The following ETNK1 variants were observed in gnomAD, a reference collection of about 807,000 sequenced individuals.
ETNK1 encodes ethanolamine kinase 1, also known as putative protein product of Nbla10396.
ETNK1 carries 8 observed loss-of-function variants against 45.1 expected under a neutral mutation model. The ratio of observed to expected loss-of-function variants is 0.18; its 90% CI spans 0.10 to 0.32. The LOEUF (loss-of-function observed/expected upper bound fraction) is 0.32. ETNK1 is among the 10% of genes least tolerant of loss of function. The pLI is 1.00. For missense variants in ETNK1, 302 were observed against 430.6 expected (o/e 0.70, Z 2.64); for synonymous variants, 152 against 151.9 (o/e 1.00, Z -0.01).
At chr12:22,642,580 A>G (rs1049846119) in intron 1 of ETNK1, among the ~76,000 whole-genome samples, 1 of 152,052 alleles carries the variant, frequency 6.6e-6, no homozygotes, top group Non-Finnish European at 1.5e-5. Flanking sequence ...GTTGTATATT[A>G]TTAATAGTTT....
intron 1 of ETNK1, among the ~76,000 whole-genome samples, chr12:22,629,597 TGTTAA>T (rs1352191278): frequency 1.3e-5 from 2 of 152,172 alleles, no homozygotes; most frequent in African/African-American, 4.8e-5. Flanking sequence ...ACAATTGCTG[TGTTAA>T]GTTATGTCTC....
chr12:22,643,290 T>G (rs941058431), intron 1 of ETNK1, among the ~76,000 whole-genome samples: 3 of 152,074 alleles, frequency 2.0e-5, no homozygotes, highest in African/African-American at 7.2e-5. Context: ...TGTTAAGGAC[T>G]TCTATAAGTA....
At chr12:22,672,482 TAC>T (rs1954119242) in intron 5 of ETNK1, among the ~76,000 whole-genome samples, 1 of 152,202 alleles carries the variant, frequency 6.6e-6, no homozygotes. Context: ...GCTTATCATA[TAC>T]ATATAAGCTG....
chr12:22,655,713 AT>A (rs1272000796), intron 2 of ETNK1, among the ~76,000 whole-genome samples: 1 of 150,848 alleles, frequency 6.6e-6, no homozygotes, highest in Non-Finnish European at 1.5e-5. Flanking sequence ...AATAGATCAA[AT>A]TTTTTGTAGA....
At chr12:22,625,710 T>C in intron 1 of ETNK1, 124 bp downstream of exon 1, 1 of 1,377,716 alleles carries the variant, frequency 7.3e-7, no homozygotes, top group Non-Finnish European at 1.0e-6. Context: ...CTTAAGTCTA[T>C]TGGGAAGTGA....
intron 4 of ETNK1, among the ~76,000 whole-genome samples, chr12:22,662,831 G>C (rs1954019774): frequency 6.6e-6 from 1 of 152,166 alleles, no homozygotes; most frequent in South Asian, 2.1e-4. Context: ...TACTGTTTAT[G>C]ACCCTTCTTA....
At chr12:22,672,340 T>C (rs1954117557) in intron 5 of ETNK1, among the ~76,000 whole-genome samples, 1 of 152,082 alleles carries the variant, frequency 6.6e-6, no homozygotes, top group South Asian at 2.1e-4. Context: ...CTAGTAGGAA[T>C]TTTTTATTGT....
intron 2 of ETNK1, 84 bp downstream of exon 2, chr12:22,644,106 T>G (rs1953775236): frequency 1.3e-6 from 2 of 1,488,802 alleles, no homozygotes; most frequent in South Asian, 2.7e-5. Context: ...ATTGTCTTTG[T>G]TTGAGCAACT....
intron 2 of ETNK1, among the ~76,000 whole-genome samples, chr12:22,655,019 A>G (rs1953920374): frequency 6.6e-6 from 1 of 152,156 alleles, no homozygotes; most frequent in Non-Finnish European, 1.5e-5. Flanking sequence ...CCCACGTTGG[A>G]GTACAATTGG....
chr12:22,676,603 G>T (rs1954164990), intron 6 of ETNK1, among the ~76,000 whole-genome samples: 1 of 151,930 alleles, frequency 6.6e-6, no homozygotes. Context: ...CACAATGGTT[G>T]AACTAATTTA....
In ETNK1 at chr12:22,661,082, A is replaced by G. The variant is rs764201342; in HGVS notation, c.577A>G (p.Ser193Gly). The G allele has an allele frequency of 1.2e-6, 2 of 1,610,612 alleles. No individual in the cohort carries two copies. The highest frequency in any genetic ancestry group is 4.5e-5 in the East Asian group (2 of 44,680). ...INKRFLSDIP[S>G]SQILQEEMTW... Reference sequence around the variant, plus strand: ...TAAAAGGTTCCTAAGTGATATCCCAAGCTCTCAGATTCTCCAGGAAGAGAT... The same window carrying G: ...TAAAAGGTTCCTAAGTGATATCCCAGGCTCTCAGATTCTCCAGGAAGAGAT... Residue 193 changes from serine to glycine, a missense_variant, in exon 4 of 8, where the codon AGC (serine) becomes GGC (glycine). By Grantham distance (56) the Ser-to-Gly change is moderately conservative (BLOSUM62 0). This residue lies in a region of ETNK1 where 205 missense variants were observed against 259.9 expected (regional missense o/e 0.79). Coordinates refer to ENST00000266517, the MANE Select transcript of ETNK1 (RefSeq NM_018638.5).
intron 4 of ETNK1, among the ~76,000 whole-genome samples, chr12:22,669,979 TAA>T (rs1014287493): frequency 2.0e-5 from 3 of 152,078 alleles, no homozygotes; most frequent in African/African-American, 4.8e-5. Context: ...CTTATTTAAA[TAA>T]GTTTAGAATT....
chr12:22,687,714 T>C lies in ETNK1; in HGVS notation c.*2760T>C, dbSNP rs969104620. 6.6e-6 allele frequency: 1 copy of C among 152,254 alleles called. No individual in the cohort carries two copies. The highest frequency in any genetic ancestry group is 2.4e-5 in the African/African-American group (1 of 41,400). The allele number at this position is 152,254 out of a possible 1,614,324, so 9.4% of individuals were successfully genotyped here. On this transcript the variant is annotated 3_prime_UTR_variant, in exon 8 of 8. Transcript: ENST00000266517. Reference sequence around the variant, plus strand: ...ACAAAACTCATCAAGTAGGTCTGCCTGGAATGTATATAAAAAATGTAAATA... The same window carrying C: ...ACAAAACTCATCAAGTAGGTCTGCCCGGAATGTATATAAAAAATGTAAATA...
In ETNK1 at chr12:22,643,872, A is replaced by T; in HGVS notation, c.266A>T (p.Asp89Val). The stretch of plus-strand genomic sequence containing the variant: ...GGCAATAAGACTGAGTTATTAGTCG[A>T]TCGAGATGAGGAAGTAAAGAGTTTT... ...IYGNKTELLV[D>V]RDEEVKSFRV... is the part of the protein sequence containing the mutation. Residue 89 changes from aspartate to valine, a missense_variant, in exon 2 of 8, where the codon GAT (aspartate) becomes GTT (valine). Physicochemically the swap from Asp to Val is radical, Grantham distance 152. This residue lies in a region of ETNK1 where 205 missense variants were observed against 259.9 expected (regional missense o/e 0.79). Transcript: ENST00000266517. 6.2e-7 allele frequency: 1 copy of T among 1,613,572 alleles called. No homozygotes were observed. Among genetic ancestry groups the T allele is most frequent in the Non-Finnish European group, 8.5e-7 (1 of 1,179,576 alleles).
chr12:22,640,661 A>T (rs1200673137), intron 1 of ETNK1, among the ~76,000 whole-genome samples: 3 of 152,114 alleles, frequency 2.0e-5, no homozygotes, highest in Non-Finnish European at 2.9e-5. Flanking sequence ...ATGTGTATCA[A>T]CTTACTAATC....
chr12:22,642,001 A>G (rs945097946), intron 1 of ETNK1, among the ~76,000 whole-genome samples: 8 of 152,180 alleles, frequency 5.3e-5, no homozygotes, highest in Non-Finnish European at 1.0e-4. Flanking sequence ...ATAATATAGC[A>G]TGGTCAATTT....
chr12:22,672,508 G>A (rs1027532373), intron 5 of ETNK1, among the ~76,000 whole-genome samples: 2 of 151,990 alleles, frequency 1.3e-5, no homozygotes, highest in South Asian at 2.1e-4. Flanking sequence ...ATATTTTTAC[G>A]TATCTCATCT....
At chr12:22,648,450 A>G (rs1290556892) in intron 2 of ETNK1, among the ~76,000 whole-genome samples, 1 of 151,960 alleles carries the variant, frequency 6.6e-6, no homozygotes. Context: ...TCAGAATGTC[A>G]TATATTTGGA....
At chr12:22,645,279 T>C (rs1953793261) in intron 2 of ETNK1, among the ~76,000 whole-genome samples, 1 of 151,798 alleles carries the variant, frequency 6.6e-6, no homozygotes, top group Non-Finnish European at 1.5e-5. Context: ...TACAAAAACA[T>C]ATTTCATGAA....
Sources: allele counts gnomAD v4.1 joint callset (sites outside exome capture counted in the v4.1 genomes callset), GRCh38; gene constraint gnomAD v4.1.1; regional missense constraint gnomAD v4.1.1; transcripts MANE v1.5; gene names NCBI Gene and HGNC (gene_info 2026-07-23, HGNC 2026-07-21).